Variants in USP32 observed in about 807,000 individuals in gnomAD.
The protein encoded by USP32 is ubiquitin carboxyl-terminal hydrolase 32.
Under a neutral mutation model 204.8 loss-of-function variants are expected in USP32, and 59 were observed. That is an observed-to-expected ratio of 0.29 (90% CI 0.23 to 0.36). The LOEUF is 0.36. Among genes scored for constraint, USP32 ranks in the 10% least tolerant of loss-of-function variants. The pLI, the probability that USP32 is intolerant of heterozygous loss-of-function variation, is 1.00. For synonymous variants in USP32, 517 were observed against 678.4 expected, an observed-to-expected ratio of 0.76 and a Z score of 3.70; for missense variants, 1,160 against 1,946.4, an observed-to-expected ratio of 0.60 and a Z score of 7.60.
chr17:60,226,340 G>A (rs2145587560), intron 12 of USP32, 109 bp from the exon 13 acceptor site: 2 of 1,004,288 alleles, frequency 2.0e-6, no homozygotes, highest in Non-Finnish European at 2.7e-6. Context: ...TCCTGTGGTT[G>A]GCCACAGACA....
intron 9 of USP32, among the ~76,000 whole-genome samples, 154 bp from the exon 10 acceptor site, chr17:60,255,412 C>T (rs983757926): frequency 5.3e-5 from 8 of 151,654 alleles, no homozygotes; most frequent in African/African-American, 2.4e-5. Flanking sequence ...ATTCTCCTGC[C>T]TCAGTCTCCC....
chr17:60,218,211 C>G (rs938028006), intron 16 of USP32, among the ~76,000 whole-genome samples: 7 of 151,934 alleles, frequency 4.6e-5, no homozygotes, highest in Admixed American at 1.3e-4. Flanking sequence ...GGTGAAACCC[C>G]GTCTCTATTA....
At chr17:60,252,484 A>G in intron 10 of USP32, 42 bp from the exon 11 acceptor site, 2 of 1,469,558 alleles carry the variant, frequency 1.4e-6, no homozygotes, top group Non-Finnish European at 9.4e-7. Flanking sequence ...TAACTGCATA[A>G]TATTTCACAT....
chr17:60,418,560 A>G (rs909084844), intron 1 of USP32, among the ~76,000 whole-genome samples: 1 of 152,098 alleles, frequency 6.6e-6, no homozygotes, highest in African/African-American at 2.4e-5. Context: ...TAAATTATCA[A>G]TAGAGTAAAC....
intron 5 of USP32, among the ~76,000 whole-genome samples, chr17:60,274,853 C>T (rs2086804148): frequency 6.6e-6 from 1 of 152,122 alleles, no homozygotes; most frequent in Non-Finnish European, 1.5e-5. Context: ...CAATACTTCC[C>T]CATGATCCTG....
chr17:60,410,889 GC>G (rs1316641365), intron 1 of USP32, among the ~76,000 whole-genome samples: 1 of 151,198 alleles, frequency 6.6e-6, no homozygotes, highest in Non-Finnish European at 1.5e-5. Context: ...GACCATCCTA[GC>G]CAACATGGTG....
intron 21 of USP32, among the ~76,000 whole-genome samples, chr17:60,210,322 T>A (rs79708659): frequency 1.3e-5 from 2 of 152,140 alleles, no homozygotes; most frequent in Non-Finnish European, 2.9e-5. Context: ...TTTTTTTTTT[T>A]CTTTTTGGAG....
chr17:60,197,056 C>T (rs1469059406), intron 27 of USP32, among the ~76,000 whole-genome samples: 3 of 151,794 alleles, frequency 2.0e-5, no homozygotes, highest in African/African-American at 7.3e-5. Context: ...TTACGAGCAT[C>T]TGTAATCCCA....
chr17:60,246,114 A>T (rs1435766038), intron 11 of USP32, among the ~76,000 whole-genome samples: 1 of 151,942 alleles, frequency 6.6e-6, no homozygotes, highest in East Asian at 1.9e-4. Context: ...AAACACTAGA[A>T]GTCATTCATT....
At chr17:60,256,976 A>G (rs2086324665) in intron 9 of USP32, 1 of 286,224 alleles carries the variant, frequency 3.5e-6, no homozygotes, top group South Asian at 3.7e-5. Context: ...ACACATGCAG[A>G]ACTTGAAAGA....
chr17:60,250,158 C>T (rs1420422787), intron 11 of USP32, among the ~76,000 whole-genome samples: 6 of 152,114 alleles, frequency 3.9e-5, no homozygotes, highest in Admixed American at 1.3e-4. Flanking sequence ...TTCTGCCAGT[C>T]CCATGTAATT....
Position 60,336,512 on chromosome 17 carries a change from G to A in USP32, c.186+8969C>T, listed in dbSNP as rs937438047. Among the ~76,000 whole-genome samples, 3 of 140,234 alleles carry A rather than the reference G, an allele frequency of 2.1e-5. 1 individual carries two copies. The highest frequency in any genetic ancestry group is 1.4e-4 in the Admixed American group (2 of 14,472). The allele number at this position is 140,234 out of a possible 152,430, so 92.0% of individuals were successfully genotyped here. On this transcript the variant is annotated intron_variant, in intron 2 of 33. Transcript: ENST00000300896. Reference sequence around the variant, plus strand: ...GGGCGGATCACGAGGTCAAGAGATCGAGACCATCCCGGCTAAAACGGTGAA... The same window carrying A: ...GGGCGGATCACGAGGTCAAGAGATCAAGACCATCCCGGCTAAAACGGTGAA...
intron 9 of USP32, among the ~76,000 whole-genome samples, chr17:60,263,446 T>A (rs2086505928): frequency 6.6e-6 from 1 of 152,214 alleles, no homozygotes; most frequent in African/African-American, 2.4e-5. Flanking sequence ...CCAGCGAATA[T>A]GGTTAATAGG....
chr17:60,346,840 A>T (rs2088798184), intron 1 of USP32, among the ~76,000 whole-genome samples: 1 of 152,240 alleles, frequency 6.6e-6, no homozygotes, highest in Admixed American at 6.5e-5. Context: ...GTTTGCTTCA[A>T]AGTACAATGA....
At position 60,306,635 on chromosome 17, in the gene USP32, C is replaced by A. The variant is rs920385501; in HGVS notation, c.187-4931G>T. ...CCTGGGCAACAGAGCAAGACTCCGT[C>A]TCGAAAGAAAAAAAAAATGTCTTTA... On this transcript the variant is annotated intron_variant, in intron 2 of 33. Transcript: ENST00000300896. Among the ~76,000 whole-genome samples, 11 of 150,014 alleles carry A rather than the reference C, an allele frequency of 7.3e-5. No homozygotes were observed. In the East Asian group the frequency reaches 9.7e-4, roughly 13 times the overall value.
chr17:60,403,963 C>G (rs1050235746), intron 1 of USP32, among the ~76,000 whole-genome samples: 2 of 151,164 alleles, frequency 1.3e-5, no homozygotes, highest in Non-Finnish European at 2.9e-5. Context: ...ATTGCTTGAG[C>G]TTGGGAGTCA....
intron 1 of USP32, among the ~76,000 whole-genome samples, chr17:60,391,611 G>A (rs761001502): frequency 6.6e-6 from 1 of 152,192 alleles, no homozygotes; most frequent in Non-Finnish European, 1.5e-5. Context: ...GACACATCCA[G>A]GATCACAACG....
At position 60,388,181 on chromosome 17, in the gene USP32, G is replaced by C. The variant is rs532074770; in HGVS notation, c.58+3701C>G. 1.8e-3 allele frequency among the ~76,000 whole-genome samples: 274 copies of C among 152,024 alleles called. 3 individuals are homozygous for C. The highest frequency in any genetic ancestry group is 6.3e-3 in the African/African-American group (261 of 41,478). On this transcript the variant is annotated intron_variant, in intron 1 of 33. Coordinates refer to ENST00000300896, the MANE Select transcript of USP32 (RefSeq NM_032582.4). ...CTATAGTTCATCACTCAGCTACTAAGAGCAATATAAATGCCAGATTTTAAA... is the reference window on the plus strand; with the variant it reads ...CTATAGTTCATCACTCAGCTACTAACAGCAATATAAATGCCAGATTTTAAA...
At chr17:60,265,882 G>A (rs2086578211) in intron 8 of USP32, 94 bp downstream of exon 8, 1 of 960,340 alleles carries the variant, frequency 1.0e-6, no homozygotes, top group East Asian at 2.4e-5. Flanking sequence ...ACTAAAAGCA[G>A]TAACAAATTA....
Sources: gnomAD v4.1 joint callset for allele counts (sites outside exome capture counted in the v4.1 genomes callset) on GRCh38, gnomAD v4.1.1 for gene constraint, MANE v1.5 for transcripts, NCBI Gene and HGNC (gene_info 2026-07-23, HGNC 2026-07-21) for gene names.